The following EGR3 variants were observed in gnomAD, a reference collection of about 807,000 sequenced individuals.
EGR3 encodes the protein early growth response protein 3.
A neutral mutation model predicts 22.4 loss-of-function variants in EGR3; 4 were observed. That is an observed-to-expected ratio of 0.18 (90% CI 0.09 to 0.41). The LOEUF is 0.41. EGR3 is among the 10% of genes least tolerant of loss of function. The pLI is 1.00. For missense variants in EGR3, 315 were observed against 541.3 expected, an observed-to-expected ratio of 0.58 and a Z score of 4.15; for synonymous variants, 219 against 226.8, an observed-to-expected ratio of 0.97 and a Z score of 0.31.
In EGR3 at chr8:22,692,368, G is replaced by C. The variant is rs757231087; in HGVS notation, c.154+423C>G. 57 of 1,474,714 alleles carry C rather than the reference G, an allele frequency of 3.9e-5. No homozygotes were observed. Among genetic ancestry groups the C allele is most frequent in the South Asian group, 2.6e-4 (20 of 76,660 alleles). 91.4% of individuals were successfully genotyped at this position (1,474,714 alleles called of 1,614,324 possible). Reference sequence around the variant, plus strand: ...CCGGGTGGGAGGCTGAGGGAGTAAGGGGGGAGAGCGCGGGTGAAAAAGACG... The same window carrying C: ...CCGGGTGGGAGGCTGAGGGAGTAAGCGGGGAGAGCGCGGGTGAAAAAGACG... On this transcript the variant is annotated intron_variant, in intron 1 of 1. Transcript: ENST00000317216. This position sits in a 1 kb window ranked among gnomAD's most constrained non-coding sequence, Gnocchi z 6.2.
At position 22,688,309 on chromosome 8, in the gene EGR3, T is replaced by A. The variant is rs562981736; in HGVS notation, c.*2164A>T. ...AGCGAGGAAAAAATATTAAAGGGTA[T>A]CTGATTCCTCCTTCTAGCTTGGAAG... On this transcript the variant is annotated 3_prime_UTR_variant, in exon 2 of 2. Transcript: ENST00000317216. 1 of 152,756 alleles carries A rather than the reference T, an allele frequency of 6.5e-6. No individual in the cohort carries two copies. The highest frequency in any genetic ancestry group is 6.5e-5 in the Admixed American group (1 of 15,296). 9.5% of individuals were successfully genotyped at this position (152,756 alleles called of 1,614,324 possible).
rs1312390388 is a variant in EGR3 at position 22,690,310 on chromosome 8, A to G, written c.*163T>C. The G allele has an allele frequency of 2.2e-5, 14 of 637,574 alleles. No homozygotes were observed. The highest frequency in any genetic ancestry group is 3.7e-5 in the Non-Finnish European group (14 of 375,402). 39.5% of individuals were successfully genotyped at this position (637,574 alleles called of 1,614,324 possible). A position where few individuals can be genotyped will look rare whatever the true frequency, so the allele number is the denominator to read the frequency against. ...TGGCCCCTGACCGCTGGCCGGCGTG[A>G]AAGGTTGGGAACCGGGGGCATCGAA... On this transcript the variant is annotated 3_prime_UTR_variant, in exon 2 of 2. Coordinates refer to ENST00000317216, the MANE Select transcript of EGR3 (RefSeq NM_004430.3).
In EGR3 at chr8:22,690,978, A is replaced by C; in HGVS notation, c.659T>G (p.Val220Gly). 6.4e-7 allele frequency: 1 copy of C among 1,568,576 alleles called. No homozygotes were observed. Residue 220 changes from valine to glycine, a missense_variant, in exon 2 of 2, where the codon GTC becomes GGC. By Grantham distance (109) the Val-to-Gly change is moderately radical. Transcript: ENST00000317216. ...CAGAGGGGTAATAGGGGGCGGGTTG[A>C]CCCGGATGGGGTCCATGCCCTGGAA... ...KPFQGMDPIR[V>G]NPPPITPLET... is the part of the protein sequence containing the mutation.
rs1452939631 is a variant in EGR3 at position 22,688,850 on chromosome 8, A to G, written c.*1623T>C. 1 of 152,654 alleles carries G rather than the reference A, an allele frequency of 6.6e-6. No individual in the cohort carries two copies. The highest frequency in any genetic ancestry group is 1.5e-5 in the Non-Finnish European group (1 of 68,048). 9.5% of individuals were successfully genotyped at this position (152,654 alleles called of 1,614,324 possible). On this transcript the variant is annotated 3_prime_UTR_variant, in exon 2 of 2. Coordinates refer to ENST00000317216, the MANE Select transcript of EGR3 (RefSeq NM_004430.3). ...AGAAGGGCTGGCAGGACAGCTGGGG[A>G]AGAGGGGTGCCTGAGAAGAGGTGAG...
rs966187768 is a variant in EGR3 at position 22,690,326 on chromosome 8, G to A, written c.*147C>T. ...GCCGGCGTGAAAGGTTGGGAACCGG[G>A]GGCATCGAAGGGGAAGCAAGGGGCC... On this transcript the variant is annotated 3_prime_UTR_variant, in exon 2 of 2. Transcript: ENST00000317216. The A allele has an allele frequency of 3.0e-4, 200 of 677,548 alleles. No homozygotes were observed. Among genetic ancestry groups the A allele is most frequent in the Middle Eastern group, 1.6e-3 (4 of 2,438 alleles). 42.0% of individuals were successfully genotyped at this position (677,548 alleles called of 1,614,324 possible). A position where few individuals can be genotyped will look rare whatever the true frequency, so the allele number is the denominator to read the frequency against.
chr8:22,693,076 C>A lies in EGR3; in HGVS notation c.-132G>T. On this transcript the variant is annotated 5_prime_UTR_variant, in exon 1 of 2. Transcript: ENST00000317216. ...GGAAAAGCATGCGAGAGGGAAAGTT[C>A]GGGGGGAGGGGGGAGGGAAGAAGGG... 1 of 69,368 alleles carries A rather than the reference C, an allele frequency of 1.4e-5. No homozygotes were observed. The highest frequency in any genetic ancestry group is 2.7e-4 in the Admixed American group (1 of 3,666). The allele number at this position is 69,368 out of a possible 1,614,324, so 4.3% of individuals were successfully genotyped here.
Position 22,688,339 on chromosome 8 carries a change from C to A in EGR3, c.*2134G>T, listed in dbSNP as rs1453520017. On this transcript the variant is annotated 3_prime_UTR_variant, in exon 2 of 2. Coordinates refer to ENST00000317216, the MANE Select transcript of EGR3 (RefSeq NM_004430.3). ...TTCCTCCTTCTAGCTTGGAAGTGACCAAAATTTTTGCTTTTTTAATAATCA... is the reference window on the plus strand; with the variant it reads ...TTCCTCCTTCTAGCTTGGAAGTGACAAAAATTTTTGCTTTTTTAATAATCA... 6.6e-6 allele frequency: 1 copy of A among 152,536 alleles called. No homozygotes were observed. Among genetic ancestry groups the A allele is most frequent in the South Asian group, 2.1e-4 (1 of 4,822 alleles). The allele number at this position is 152,536 out of a possible 1,614,324, so 9.4% of individuals were successfully genotyped here.
chr8:22,692,108 T>A lies in EGR3; in HGVS notation c.155-626A>T. On this transcript the variant is annotated intron_variant, in intron 1 of 1. Coordinates refer to ENST00000317216, the MANE Select transcript of EGR3 (RefSeq NM_004430.3). This position sits in a 1 kb window ranked among gnomAD's most constrained non-coding sequence, Gnocchi z 6.2. ...TGGAGGGGAAAATCCTAGCCCCAGC[T>A]AGGGAGGGTGGAGAGCGGCGGAAAA... 1 of 1,363,916 alleles carries A rather than the reference T, an allele frequency of 7.3e-7. No individual in the cohort carries two copies. The highest frequency in any genetic ancestry group is 9.4e-7 in the Non-Finnish European group (1 of 1,062,976). The allele number at this position is 1,363,916 out of a possible 1,614,324, so 84.5% of individuals were successfully genotyped here.
intron 1 of EGR3, chr8:22,691,959 C>T: frequency 8.0e-7 from 1 of 1,252,004 alleles, no homozygotes. Flanking sequence ...TCCCGGGTCG[C>T]CGACCCAGAG....
At position 22,692,580 on chromosome 8, in the gene EGR3, G is replaced by C. The variant is rs71513894; in HGVS notation, c.154+211C>G. On this transcript the variant is annotated intron_variant, in intron 1 of 1. Coordinates refer to ENST00000317216, the MANE Select transcript of EGR3 (RefSeq NM_004430.3). The surrounding 1 kb of genome is among the most constrained non-coding windows in gnomAD (Gnocchi z 6.2). ...TCGCCAACCTAGCCTTCTCGATCGA[G>C]GAGGGCGGGAGGAGTGGGTGGGAAA... The C allele has an allele frequency of 5.6e-6, 8 of 1,436,384 alleles. No individual in the cohort carries two copies. In the East Asian group the frequency reaches 2.0e-4, roughly 36 times the overall value. 89.0% of individuals were successfully genotyped at this position (1,436,384 alleles called of 1,614,324 possible). A position where few individuals can be genotyped will look rare whatever the true frequency, so the allele number is the denominator to read the frequency against.
chr8:22,691,165 C>T lies in EGR3; in HGVS notation c.472G>A (p.Val158Met), dbSNP rs1803941673. ...TTGCCCTGGGGGTCGTGGAAAGACA[C>T]GGGCTCTGAGTAGAGGTCGCCGCAG... ...SNCGDLYSEP[V>M]SFHDPQGNPG... is the part of the protein sequence containing the mutation. The change falls in exon 2 of 2, where the codon GTG (valine) becomes ATG (methionine). Residue 158 changes from valine to methionine, a missense_variant. Physicochemically the swap from Val to Met is conservative, Grantham distance 21. Transcript: ENST00000317216. The T allele has an allele frequency of 6.2e-7, 1 of 1,614,040 alleles. No individual in the cohort carries two copies. Among genetic ancestry groups the T allele is most frequent in the Middle Eastern group, 1.6e-4 (1 of 6,062 alleles).
At position 22,690,103 on chromosome 8, in the gene EGR3, G is replaced by A; in HGVS notation, c.*370C>T. On this transcript the variant is annotated 3_prime_UTR_variant, in exon 2 of 2. Transcript: ENST00000317216. ...TAGAGGGAGACGTGGGGGAAACAAT[G>A]AGGTGTTTGGGTCGGGCGAGGGTTG... The A allele has an allele frequency of 3.6e-6, 1 of 281,336 alleles. No homozygotes were observed. The highest frequency in any genetic ancestry group is 6.7e-6 in the Non-Finnish European group (1 of 149,450). The allele number at this position is 281,336 out of a possible 1,614,324, so 17.4% of individuals were successfully genotyped here.
chr8:22,690,451 T>A lies in EGR3; in HGVS notation c.*22A>T, dbSNP rs2128744754. ...GCCGGGAGGCACTGGAGGGGAAAAGTGGGGATCTGGGGGCCCGATCCTCAG... is the reference window on the plus strand; with the variant it reads ...GCCGGGAGGCACTGGAGGGGAAAAGAGGGGATCTGGGGGCCCGATCCTCAG... On this transcript the variant is annotated 3_prime_UTR_variant, in exon 2 of 2. Coordinates refer to ENST00000317216, the MANE Select transcript of EGR3 (RefSeq NM_004430.3). The A allele has an allele frequency of 6.3e-7, 1 of 1,576,828 alleles. No individual in the cohort carries two copies. The highest frequency in any genetic ancestry group is 8.6e-7 in the Non-Finnish European group (1 of 1,159,658).
rs1469189036 is a variant in EGR3, at chr8:22,692,406, C to G, written c.154+385G>C. The G allele has an allele frequency of 6.9e-7, 1 of 1,440,806 alleles. No homozygotes were observed. Among genetic ancestry groups the G allele is most frequent in the Non-Finnish European group, 9.1e-7 (1 of 1,103,162 alleles). The allele number at this position is 1,440,806 out of a possible 1,614,324, so 89.3% of individuals were successfully genotyped here. On this transcript the variant is annotated intron_variant, in intron 1 of 1. Coordinates refer to ENST00000317216, the MANE Select transcript of EGR3 (RefSeq NM_004430.3). This position sits in a 1 kb window ranked among gnomAD's most constrained non-coding sequence, Gnocchi z 6.2. Reference sequence around the variant, plus strand: ...GGTGAAAAAGACGCCGGGCTCCTCCCGGGAAGAGGGCGACAGCACCACGCC... The same window carrying G: ...GGTGAAAAAGACGCCGGGCTCCTCCGGGGAAGAGGGCGACAGCACCACGCC...
In EGR3 at chr8:22,692,866, C is replaced by T. The variant is rs1804018712; in HGVS notation, c.79G>A (p.Glu27Lys). The change falls in exon 1 of 2, where the codon GAG becomes AAG. Residue 27 changes from glutamate to lysine, a missense_variant. By Grantham distance (56) the Glu-to-Lys change is moderately conservative. Coordinates refer to ENST00000317216, the MANE Select transcript of EGR3 (RefSeq NM_004430.3). This position sits in a 1 kb window ranked among gnomAD's most constrained non-coding sequence, Gnocchi z 6.2. Reference sequence around the variant, plus strand: ...AGGTTGAGCGCGCTGGGGATCTCCTCGGGGTACAGATTGTCAGGCAGTTGG... The same window carrying T: ...AGGTTGAGCGCGCTGGGGATCTCCTTGGGGTACAGATTGTCAGGCAGTTGG... ...LNQLPDNLYP[E>K]EIPSALNLFS... 3 of 1,613,202 alleles carry T rather than the reference C, an allele frequency of 1.9e-6. No homozygotes were observed. Among genetic ancestry groups the T allele is most frequent in the Non-Finnish European group, 2.5e-6 (3 of 1,179,850 alleles).
chr8:22,689,519 G>A lies in EGR3; in HGVS notation c.*954C>T, dbSNP rs1359016260. On this transcript the variant is annotated 3_prime_UTR_variant, in exon 2 of 2. Coordinates refer to ENST00000317216, the MANE Select transcript of EGR3 (RefSeq NM_004430.3). ...TGGGAGAAGGTTTAGAGGGGAGAAGGGGAAGGAGTGGGAGGGCAGGGGGCA... is the reference window on the plus strand; with the variant it reads ...TGGGAGAAGGTTTAGAGGGGAGAAGAGGAAGGAGTGGGAGGGCAGGGGGCA... 1.3e-5 allele frequency: 2 copies of A among 152,638 alleles called. No homozygotes were observed. Among genetic ancestry groups the A allele is most frequent in the Admixed American group, 6.5e-5 (1 of 15,276 alleles). The allele number at this position is 152,638 out of a possible 1,614,324, so 9.5% of individuals were successfully genotyped here.
Position 22,692,717 on chromosome 8 carries a change from C to A in EGR3, c.154+74G>T. ...TCCATCCATCCATCCATCCATCCAT[C>A]ACCAGGTCGTCCCCTCCTCCTCTTC... On this transcript the variant is annotated intron_variant, in intron 1 of 1. Transcript: ENST00000317216. The surrounding 1 kb of genome is among the most constrained non-coding windows in gnomAD (Gnocchi z 6.2). The A allele has an allele frequency of 1.3e-6, 2 of 1,560,592 alleles. No homozygotes were observed. The highest frequency in any genetic ancestry group is 1.7e-6 in the Non-Finnish European group (2 of 1,148,334).
In EGR3 at chr8:22,690,458, C is replaced by T. The variant is rs1257946099; in HGVS notation, c.*15G>A. Reference sequence around the variant, plus strand: ...GGCACTGGAGGGGAAAAGTGGGGATCTGGGGGCCCGATCCTCAGGCGCAGG... The same window carrying T: ...GGCACTGGAGGGGAAAAGTGGGGATTTGGGGGCCCGATCCTCAGGCGCAGG... On this transcript the variant is annotated 3_prime_UTR_variant, in exon 2 of 2. Transcript: ENST00000317216. 6.3e-7 allele frequency: 1 copy of T among 1,585,410 alleles called. No homozygotes were observed. Among genetic ancestry groups the T allele is most frequent in the South Asian group, 1.1e-5 (1 of 89,188 alleles).
chr8:22,691,804 G>A (rs1220987284), intron 1 of EGR3: 1 of 985,326 alleles, frequency 1.0e-6, no homozygotes, highest in Non-Finnish European at 1.2e-6. Context: ...GGGCGGGCAG[G>A]TAGCTGCAGC....
Sources: allele counts gnomAD v4.1 joint callset, GRCh38; gene constraint gnomAD v4.1.1; non-coding constraint Gnocchi (gnomAD v3.1); transcripts MANE v1.5; gene names NCBI Gene and HGNC (gene_info 2026-07-23, HGNC 2026-07-21).